Variants in LYPD6B observed in about 807,000 individuals in gnomAD.
LYPD6B encodes the protein LY6/PLAUR domain containing 6B.
In LYPD6B, 17 loss-of-function variants were observed where a neutral mutation model predicts 22.8. The ratio of observed to expected loss-of-function variants is 0.75; its 90% CI spans 0.51 to 1.12. The LOEUF is 1.12. Ranked by LOEUF, LYPD6B falls within the 50% of genes most tolerant of loss-of-function variation. The probability of loss-of-function intolerance (pLI) is 0.00; values close to 1 mark genes in which losing one functional copy is unlikely to be tolerated. For missense variants in LYPD6B, 221 were observed against 258.3 expected, an observed-to-expected ratio of 0.86 and a Z score of 0.99; for synonymous variants, 106 against 91.6, an observed-to-expected ratio of 1.16 and a Z score of -0.90.
intron 2 of LYPD6B, among the ~76,000 whole-genome samples, chr2:149,136,400 G>A (rs2105739772): frequency 6.6e-6 from 1 of 152,322 alleles, no homozygotes; most frequent in Non-Finnish European, 1.5e-5. Flanking sequence ...TACAGCCAGA[G>A]GCCAACTCCA....
At chr2:149,047,610 A>G (rs1683369326) in intron 1 of LYPD6B, among the ~76,000 whole-genome samples, 1 of 151,810 alleles carries the variant, frequency 6.6e-6, no homozygotes, top group Admixed American at 6.6e-5. Flanking sequence ...CACACTCTTG[A>G]TATTTATCAT....
intron 1 of LYPD6B, among the ~76,000 whole-genome samples, chr2:149,052,875 C>T (rs540921484): frequency 5.9e-5 from 9 of 152,194 alleles, no homozygotes; most frequent in South Asian, 2.1e-4. Flanking sequence ...GAGAAGAAAA[C>T]GAGAAGCCCC....
chr2:149,113,053 G>A (rs529014266), intron 1 of LYPD6B, among the ~76,000 whole-genome samples: 11 of 152,050 alleles, frequency 7.2e-5, no homozygotes, highest in Non-Finnish European at 1.0e-4. Flanking sequence ...ACCTACCATC[G>A]GCAAAATCAG....
intron 3 of LYPD6B, among the ~76,000 whole-genome samples, chr2:149,179,943 A>G (rs1184950502): frequency 6.6e-6 from 1 of 152,234 alleles, no homozygotes; most frequent in Non-Finnish European, 1.5e-5. Flanking sequence ...GACATTTTCT[A>G]TAAAATTTTA....
chr2:149,181,987 A>G (rs1691764172), intron 3 of LYPD6B, among the ~76,000 whole-genome samples: 1 of 152,168 alleles, frequency 6.6e-6, no homozygotes, highest in South Asian at 2.1e-4. Context: ...TCTGCCGTGT[A>G]TCTGCAGGGT....
chr2:149,206,203 G>T, intron 4 of LYPD6B: 1 of 254,012 alleles, frequency 3.9e-6, no homozygotes, highest in South Asian at 4.9e-5. Context: ...AGGGTGAGAT[G>T]CAGAATATAT....
intron 1 of LYPD6B, among the ~76,000 whole-genome samples, chr2:149,123,917 G>C (rs926387989): frequency 6.6e-6 from 1 of 152,152 alleles, no homozygotes; most frequent in African/African-American, 2.4e-5. Flanking sequence ...GTTCTTCACC[G>C]CAAGAATTCG....
intron 2 of LYPD6B, among the ~76,000 whole-genome samples, chr2:149,138,946 T>A (rs770149460): frequency 6.6e-6 from 1 of 152,258 alleles, no homozygotes; most frequent in Non-Finnish European, 1.5e-5. Flanking sequence ...TGTTCTCTTC[T>A]GTCTTATGCA....
chr2:149,214,659 C>T lies in LYPD6B; in HGVS notation c.573C>T (p.Pro191=), dbSNP rs373151268. ...HAQRTSGSSA[P]TLYLPVLAWV... The stretch of plus-strand genomic sequence containing the variant: ...AGAGAACATCTGGCAGCAGTGCCCC[C>T]ACACTCTACCTACCAGTGCTTGCCT... Residue 191 remains proline, a synonymous_variant, in exon 7 of 7, where the codon CCC becomes CCT. Coordinates refer to ENST00000409642, the MANE Select transcript of LYPD6B (RefSeq NM_177964.5). The T allele has an allele frequency of 2.5e-6, 4 of 1,613,990 alleles. No individual in the cohort carries two copies. Among genetic ancestry groups the T allele is most frequent in the Non-Finnish European group, 3.4e-6 (4 of 1,179,870 alleles).
At chr2:149,098,338 C>G (rs1372649997) in intron 1 of LYPD6B, among the ~76,000 whole-genome samples, 1 of 152,024 alleles carries the variant, frequency 6.6e-6, no homozygotes, top group Non-Finnish European at 1.5e-5. Flanking sequence ...TAAAAAATGG[C>G]TTTGGGCCGA....
intron 3 of LYPD6B, among the ~76,000 whole-genome samples, chr2:149,195,460 G>C (rs140730599): frequency 2.6e-5 from 4 of 152,192 alleles, no homozygotes; most frequent in Non-Finnish European, 5.9e-5. Flanking sequence ...GAACTACTGC[G>C]TGTTATTTAT....
chr2:149,200,697 A>T (rs935123383), intron 3 of LYPD6B: 3 of 152,204 alleles, frequency 2.0e-5, no homozygotes, highest in Admixed American at 2.0e-4. Context: ...CTTCTGGACC[A>T]AGTGCCAGGT....
rs149624251 is a variant in LYPD6B, at chr2:149,130,189, G to A, written c.-66-694G>A. On this transcript the variant is annotated intron_variant, in intron 1 of 6. Transcript: ENST00000409642. ...TTTGTTCCCCCATGAGGCTGTTGCT[G>A]AGGACAGTTTGTGCCAATCTACTGA... Among the ~76,000 whole-genome samples, 27 of 152,330 alleles carry A rather than the reference G, an allele frequency of 1.8e-4. No individual in the cohort carries two copies. The East Asian group carries it at 5.0e-3, about 28-fold the overall frequency.
At chr2:149,072,184 A>C (rs1439354944) in intron 1 of LYPD6B, among the ~76,000 whole-genome samples, 5 of 152,072 alleles carry the variant, frequency 3.3e-5, no homozygotes, top group African/African-American at 1.2e-4. Flanking sequence ...TGCCCTCCTC[A>C]GTCTCCCTAT....
rs1690852265 is a variant in LYPD6B at position 149,171,878 on chromosome 2, C to T, written c.77+11043C>T. 2.0e-5 allele frequency among the ~76,000 whole-genome samples: 3 copies of T among 152,118 alleles called. No homozygotes were observed. The South Asian group carries it at 6.2e-4, about 32-fold the overall frequency. On this transcript the variant is annotated intron_variant, in intron 3 of 6. Transcript: ENST00000409642. ...GAGAGCCCATGGCATTGTGATTCCC[C>T]TCCATCCTGAATTGCATGTCTTCAA... is the stretch of plus-strand genomic sequence containing the variant.
chr2:149,158,827 A>C (rs1374883553), intron 2 of LYPD6B, among the ~76,000 whole-genome samples: 2 of 152,242 alleles, frequency 1.3e-5, no homozygotes, highest in Non-Finnish European at 2.9e-5. Context: ...AACCTGCCTG[A>C]GGGCAGTTTT....
At chr2:149,105,670 C>T (rs984190897) in intron 1 of LYPD6B, among the ~76,000 whole-genome samples, 1 of 152,076 alleles carries the variant, frequency 6.6e-6, no homozygotes, top group African/African-American at 2.4e-5. Context: ...TACAGACTGA[C>T]TAAAGTCATT....
At chr2:149,201,885 G>A (rs1693182192) in intron 3 of LYPD6B, among the ~76,000 whole-genome samples, 1 of 152,206 alleles carries the variant, frequency 6.6e-6, no homozygotes, top group Admixed American at 6.5e-5. Context: ...AGTTTTTTGA[G>A]AGGATGCTAT....
chr2:149,042,130 G>A (rs1250616879), intron 1 of LYPD6B, among the ~76,000 whole-genome samples: 1 of 152,224 alleles, frequency 6.6e-6, no homozygotes, highest in African/African-American at 2.4e-5. Context: ...TAACAGGCTG[G>A]GACTTGGTGA....
Sources: allele counts gnomAD v4.1 joint callset (sites outside exome capture counted in the v4.1 genomes callset), GRCh38; gene constraint gnomAD v4.1.1; transcripts MANE v1.5; gene names NCBI Gene and HGNC (gene_info 2026-07-23, HGNC 2026-07-21).